The following TENM2 variants were observed in gnomAD, a reference collection of about 807,000 sequenced individuals.
TENM2 encodes the protein teneurin-2.
In TENM2, 52 loss-of-function variants were observed where a neutral mutation model predicts 245.2. The observed-to-expected ratio is 0.21, with a 90% confidence interval of 0.17 to 0.27. TENM2 has a LOEUF of 0.27. TENM2 is among the 10% of genes least tolerant of loss of function. The pLI is 1.00. For missense variants in TENM2, 3,046 were observed against 3,666.8 expected, an observed-to-expected ratio of 0.83 and a Z score of 4.37; for synonymous variants, 1,363 against 1,438.9, an observed-to-expected ratio of 0.95 and a Z score of 1.19.
intron 2 of TENM2, among the ~76,000 whole-genome samples, chr5:167,668,837 C>CGGAG (rs1755745669): frequency 6.6e-6 from 1 of 152,028 alleles, no homozygotes; most frequent in Non-Finnish European, 1.5e-5. Context: ...CCCTGTAGTC[C>CGGAG]CAGCTACTTG....
intron 1 of TENM2, among the ~76,000 whole-genome samples, chr5:167,350,864 A>G (rs1301396142): frequency 2.2e-5 from 2 of 91,438 alleles, no homozygotes; most frequent in Non-Finnish European, 4.7e-5. Context: ...TATGGGATGT[A>G]TACATATGGA....
intron 4 of TENM2, among the ~76,000 whole-genome samples, chr5:167,969,732 T>G (rs749974359): frequency 3.9e-5 from 6 of 152,208 alleles, no homozygotes; most frequent in Non-Finnish European, 8.8e-5. Flanking sequence ...TGCTATATTC[T>G]CAAAGCTTAG....
At chr5:167,302,555 G>C (rs1284147918) in intron 1 of TENM2, among the ~76,000 whole-genome samples, 1 of 151,778 alleles carries the variant, frequency 6.6e-6, no homozygotes, top group African/African-American at 2.4e-5. Flanking sequence ...AGAGATAAGA[G>C]GTCGGGGCGT....
chr5:167,929,371 T>A (rs1200715437), intron 3 of TENM2, among the ~76,000 whole-genome samples: 4 of 152,160 alleles, frequency 2.6e-5, no homozygotes, highest in African/African-American at 9.7e-5. Context: ...CCAATGAAAT[T>A]GCCCTAGTCT....
chr5:167,685,355 G>T (rs1757003458), intron 2 of TENM2, among the ~76,000 whole-genome samples: 1 of 152,032 alleles, frequency 6.6e-6, no homozygotes. Context: ...TGAAACTCTG[G>T]GTCTTCATAA....
At chr5:168,101,977 A>G (rs1229985130) in intron 9 of TENM2, among the ~76,000 whole-genome samples, 2 of 152,134 alleles carry the variant, frequency 1.3e-5, no homozygotes, top group South Asian at 2.1e-4. Flanking sequence ...TGGCAATTTC[A>G]TGGGACAGAA....
chr5:167,120,825 G>T, the TENM2 span, among the ~76,000 whole-genome samples: 1 of 152,212 alleles, frequency 6.6e-6, no homozygotes, highest in Admixed American at 6.5e-5. Context: ...TGCTTGGAGT[G>T]TTGTGTTAAT....
intron 12 of TENM2, chr5:168,149,416 C>A: frequency 2.2e-6 from 1 of 457,206 alleles, no homozygotes; most frequent in Non-Finnish European, 4.4e-6. Flanking sequence ...TTTGCTGCAT[C>A]AACAGGGGTA....
intron 3 of TENM2, among the ~76,000 whole-genome samples, chr5:167,897,890 G>GTTTT (rs35680049): frequency 7.8e-5 from 7 of 89,284 alleles, no homozygotes; most frequent in African/African-American, 2.1e-4. Context: ...GTAGTAAATT[G>GTTTT]TTTTTTTTTT....
intron 2 of TENM2, among the ~76,000 whole-genome samples, chr5:167,837,091 CA>C (rs1769070237): frequency 6.6e-6 from 1 of 151,876 alleles, no homozygotes; most frequent in Admixed American, 6.6e-5. Flanking sequence ...CACACACACA[CA>C]CACACAGAGA....
intron 3 of TENM2, among the ~76,000 whole-genome samples, chr5:167,902,074 C>CT (rs143990794): frequency 0.026 from 3,992 of 152,176 alleles, 172 homozygotes; most frequent in African/African-American, 0.09. Flanking sequence ...CCTTCCATTT[C>CT]TTGAGGCCAT....
At chr5:167,627,622 A>G (rs903179456) in intron 2 of TENM2, among the ~76,000 whole-genome samples, 41 of 151,564 alleles carry the variant, frequency 2.7e-4, no homozygotes, top group African/African-American at 9.9e-4. Context: ...CAGTGGTGCA[A>G]TCTCGGTTCA....
chr5:167,554,331 A>G (rs1038146687), intron 2 of TENM2, among the ~76,000 whole-genome samples: 6 of 152,198 alleles, frequency 3.9e-5, no homozygotes, highest in Non-Finnish European at 7.3e-5. Context: ...CCTTGGAAAG[A>G]CTTGAGCATA....
rs1028829116 is a variant in TENM2 at position 167,353,617 on chromosome 5, C to T, written c.227-21581C>T. 6.3e-5 allele frequency among the ~76,000 whole-genome samples: 9 copies of T among 143,708 alleles called. No homozygotes were observed. The East Asian group carries it at 9.3e-4, about 15-fold the overall frequency. The allele number at this position is 143,708 out of a possible 152,430, so 94.3% of individuals were successfully genotyped here. A position where few individuals can be genotyped will look rare whatever the true frequency, so the allele number is the denominator to read the frequency against. On this transcript the variant is annotated intron_variant, in intron 1 of 28. Coordinates refer to ENST00000518659, the Ensembl canonical transcript of TENM2. Reference sequence around the variant, plus strand: ...CCGCCTCCCGGGTTCACGCCATTCTCCTGCCTCAGCCTCCCATGTAGCTGG... The same window carrying T: ...CCGCCTCCCGGGTTCACGCCATTCTTCTGCCTCAGCCTCCCATGTAGCTGG...
At chr5:167,036,286 C>G in the TENM2 span, among the ~76,000 whole-genome samples, 1 of 152,136 alleles carries the variant, frequency 6.6e-6, no homozygotes, top group Non-Finnish European at 1.5e-5. Context: ...AGAAAAAAAG[C>G]CAGTGGCTGG....
chr5:167,150,773 A>G, the TENM2 span, among the ~76,000 whole-genome samples: 2 of 152,214 alleles, frequency 1.3e-5, no homozygotes, highest in South Asian at 4.1e-4. Flanking sequence ...CAAGATTTCA[A>G]CCTAGAGCCT....
intron 2 of TENM2, among the ~76,000 whole-genome samples, chr5:167,449,782 G>A (rs11134461): frequency 0.26 from 40,024 of 151,902 alleles, 5,401 homozygotes; most frequent in East Asian, 0.33. Context: ...ATACAGTGAA[G>A]CCCTGTCTCT....
At chr5:167,102,540 C>T in the TENM2 span, among the ~76,000 whole-genome samples, 3 of 152,190 alleles carry the variant, frequency 2.0e-5, no homozygotes, top group Non-Finnish European at 4.4e-5. Flanking sequence ...CACTCAACTA[C>T]GTGGATGATG....
chr5:168,114,439 T>A (rs1376563457), intron 9 of TENM2, among the ~76,000 whole-genome samples: 1 of 152,196 alleles, frequency 6.6e-6, no homozygotes, highest in Admixed American at 6.5e-5. Flanking sequence ...AGTAAAAATA[T>A]AAGACTTATT....
Sources: allele counts gnomAD v4.1 joint callset (sites outside exome capture counted in the v4.1 genomes callset), GRCh38; gene constraint gnomAD v4.1.1; transcripts MANE v1.5; gene names NCBI Gene and HGNC (gene_info 2026-07-23, HGNC 2026-07-21).